Variants in MAPKAP1 observed in about 807,000 individuals in gnomAD.
MAPKAP1 encodes MAPK associated protein 1.
MAPKAP1 carries 20 observed loss-of-function variants against 65.7 expected under a neutral mutation model. The ratio of observed to expected loss-of-function variants is 0.30; its 90% CI spans 0.21 to 0.44. MAPKAP1 has a LOEUF of 0.44. Among genes scored for constraint, MAPKAP1 ranks in the 20% least tolerant of loss-of-function variants. The pLI, the probability that MAPKAP1 is intolerant of heterozygous loss-of-function variation, is 1.00. For missense variants in MAPKAP1, 423 were observed against 648.0 expected (o/e 0.65, Z 3.77); for synonymous variants, 222 against 244.3 (o/e 0.91, Z 0.85).
chr9:125,693,708 C>CGTGTATATAT (rs1835276129), intron 1 of MAPKAP1, among the ~76,000 whole-genome samples: 2 of 125,736 alleles, frequency 1.6e-5, no homozygotes, highest in African/African-American at 5.6e-5. Flanking sequence ...CGTATATATA[C>CGTGTATATAT]ACATATATAC....
At chr9:125,562,781 A>AT (rs924718514) in intron 5 of MAPKAP1, among the ~76,000 whole-genome samples, 2 of 152,172 alleles carry the variant, frequency 1.3e-5, no homozygotes, top group African/African-American at 2.4e-5. Flanking sequence ...TTATATTTCT[A>AT]TTTTACAAAT....
chr9:125,612,717 G>C (rs1048780073), intron 4 of MAPKAP1, among the ~76,000 whole-genome samples: 3 of 152,162 alleles, frequency 2.0e-5, no homozygotes, highest in Non-Finnish European at 2.9e-5. Flanking sequence ...ACTTCCACTG[G>C]GAGACACAGC....
chr9:125,480,755 A>C lies in MAPKAP1; in HGVS notation c.1207+3688T>G, dbSNP rs527770354. Among the ~76,000 whole-genome samples, 15 of 151,990 alleles carry C rather than the reference A, an allele frequency of 9.9e-5. No homozygotes were observed. In the South Asian group the frequency reaches 2.5e-3, roughly 25 times the overall value. ...TGGGAGGCCAAGGCGGGTGGATCAC[A>C]AGGTCAGGAGATCGAGACCATCCTG... On this transcript the variant is annotated intron_variant, in intron 9 of 11. Transcript: ENST00000265960.
rs867765304 is a variant in MAPKAP1 at position 125,438,767 on chromosome 9, G to A, written c.*120C>T. 124 of 1,374,062 alleles carry A rather than the reference G, an allele frequency of 9.0e-5. 1 individual carries two copies. The Middle Eastern group carries it at 1.7e-3, about 19-fold the overall frequency. The allele number at this position is 1,374,062 out of a possible 1,614,324, so 85.1% of individuals were successfully genotyped here. Reference sequence around the variant, plus strand: ...TTCCCCGAGAGCCCACCTGCCCTGTGCCAGTGAGCCAGGGGCTGGCCTCCC... The same window carrying A: ...TTCCCCGAGAGCCCACCTGCCCTGTACCAGTGAGCCAGGGGCTGGCCTCCC... On this transcript the variant is annotated 3_prime_UTR_variant, in exon 12 of 12. Coordinates refer to ENST00000265960, the MANE Select transcript of MAPKAP1 (RefSeq NM_001006617.3).
chr9:125,537,214 G>T (rs1355474965), intron 7 of MAPKAP1, among the ~76,000 whole-genome samples: 3 of 152,208 alleles, frequency 2.0e-5, no homozygotes, highest in African/African-American at 7.2e-5. Flanking sequence ...TAGAGCTGAG[G>T]AAAGTGAGGC....
Position 125,438,742 on chromosome 9 carries a change from T to G in MAPKAP1, c.*145A>C. 1 of 1,141,784 alleles carries G rather than the reference T, an allele frequency of 8.8e-7. No homozygotes were observed. The highest frequency in any genetic ancestry group is 1.2e-6 in the Non-Finnish European group (1 of 804,588). 70.7% of individuals were successfully genotyped at this position (1,141,784 alleles called of 1,614,324 possible). A position where few individuals can be genotyped will look rare whatever the true frequency, so the allele number is the denominator to read the frequency against. ...TCCCTCCTAGGGGGCCCCCGACACCTTCCCCGAGAGCCCACCTGCCCTGTG... is the reference window on the plus strand; with the variant it reads ...TCCCTCCTAGGGGGCCCCCGACACCGTCCCCGAGAGCCCACCTGCCCTGTG... On this transcript the variant is annotated 3_prime_UTR_variant, in exon 12 of 12. Coordinates refer to ENST00000265960, the MANE Select transcript of MAPKAP1 (RefSeq NM_001006617.3).
In MAPKAP1 at chr9:125,625,280, A is replaced by AC. The variant is rs1833084062; in HGVS notation, c.498+32370dup. On this transcript the variant is annotated intron_variant, in intron 4 of 11. Transcript: ENST00000265960. ...TAAAAAAAAAAAAAAAAAAAAAAAA[A>AC]CAAGGGAGAGAATTTACATTCCAAA... Among the ~76,000 whole-genome samples, 323 of 123,202 alleles carry AC rather than the reference A, an allele frequency of 2.6e-3. 2 individuals carry two copies. Among genetic ancestry groups the AC allele is most frequent in the African/African-American group, 9.3e-3 (307 of 33,122 alleles). 80.8% of individuals were successfully genotyped at this position (123,202 alleles called of 152,430 possible).
intron 9 of MAPKAP1, among the ~76,000 whole-genome samples, chr9:125,474,014 T>C (rs547933058): frequency 2.6e-5 from 4 of 152,296 alleles, no homozygotes; most frequent in Non-Finnish European, 4.4e-5. Flanking sequence ...GATACATAGC[T>C]AGCGATGAAT....
chr9:125,587,911 A>C (rs577144371), intron 4 of MAPKAP1, among the ~76,000 whole-genome samples: 8 of 152,318 alleles, frequency 5.3e-5, no homozygotes, highest in African/African-American at 9.6e-5. Flanking sequence ...AAAAAACCCC[A>C]AAAATAGCAA....
intron 4 of MAPKAP1, among the ~76,000 whole-genome samples, chr9:125,612,405 G>GT (rs370666326): frequency 0.026 from 3,997 of 151,662 alleles, 59 homozygotes; most frequent in South Asian, 0.043. Flanking sequence ...AATTCTTTTA[G>GT]TTTTTTTTTA....
intron 1 of MAPKAP1, among the ~76,000 whole-genome samples, chr9:125,692,583 C>G (rs1313736947): frequency 6.6e-6 from 1 of 152,160 alleles, no homozygotes; most frequent in Non-Finnish European, 1.5e-5. Flanking sequence ...GACAGTTATA[C>G]AACTTTGTGA....
chr9:125,680,515 G>A (rs1448886064), intron 1 of MAPKAP1, among the ~76,000 whole-genome samples: 2 of 152,168 alleles, frequency 1.3e-5, no homozygotes, highest in East Asian at 1.9e-4. Flanking sequence ...CCCCCTCAGG[G>A]AATTAAAATC....
chr9:125,612,404 A>C (rs916049590), intron 4 of MAPKAP1, among the ~76,000 whole-genome samples: 1 of 151,820 alleles, frequency 6.6e-6, no homozygotes, highest in Admixed American at 6.6e-5. Context: ...AAATTCTTTT[A>C]GTTTTTTTTT....
intron 10 of MAPKAP1, among the ~76,000 whole-genome samples, chr9:125,461,831 CCTGAGG>C (rs1282056355): frequency 1.3e-5 from 2 of 152,134 alleles, no homozygotes; most frequent in Admixed American, 6.5e-5. Flanking sequence ...GTGGACAGAG[CCTGAGG>C]AAGGGCTGTT....
At chr9:125,533,662 G>A (rs1344904096) in intron 7 of MAPKAP1, among the ~76,000 whole-genome samples, 1 of 152,112 alleles carries the variant, frequency 6.6e-6, no homozygotes, top group East Asian at 1.9e-4. Flanking sequence ...CGTTGGCCAG[G>A]CTGGTCTCAA....
Position 125,543,664 on chromosome 9 carries a change from C to CG in MAPKAP1, c.849-497dup, listed in dbSNP as rs570362142. 3.3e-3 allele frequency among the ~76,000 whole-genome samples: 509 copies of CG among 151,954 alleles called. 2 individuals carry two copies. Among genetic ancestry groups the CG allele is most frequent in the Middle Eastern group, 6.8e-3 (2 of 294 alleles). On this transcript the variant is annotated intron_variant, in intron 6 of 11. Transcript: ENST00000265960. ...TAAATATACTTCAAATGGTGGGTGG[C>CG]GGGGGGGCAGTGATAAACGATTCTA...
chr9:125,438,980 A>G lies in MAPKAP1; in HGVS notation c.1476T>C (p.Thr492=). ...TTTGAGCAAAGTAGTCAGCCCGGGC[A>G]GTGCTAGCTCGCGATTCCAGGATGT... is the stretch of plus-strand genomic sequence containing the variant. ...VNYILESRAS[T]ARADYFAQKQ... Residue 492 remains threonine (T), a synonymous_variant, in exon 12 of 12, where the codon ACT becomes ACC. Coordinates refer to ENST00000265960, the MANE Select transcript of MAPKAP1 (RefSeq NM_001006617.3). 2 of 1,614,110 alleles carry G rather than the reference A, an allele frequency of 1.2e-6. No individual in the cohort carries two copies. Among genetic ancestry groups the G allele is most frequent in the Non-Finnish European group, 1.7e-6 (2 of 1,180,014 alleles).
rs544814245 is a variant in MAPKAP1, at chr9:125,617,270, G to A, written c.499-31543C>T. On this transcript the variant is annotated intron_variant, in intron 4 of 11. Transcript: ENST00000265960. ...AGCCTTGGAATCTGAGACCAGCGGA[G>A]GCAACAAAAGGAGATCCTGTTGCTA... Among the ~76,000 whole-genome samples the A allele has an allele frequency of 3.3e-5, 5 of 152,304 alleles. No homozygotes were observed. The South Asian group carries it at 1.0e-3, about 32-fold the overall frequency.
rs1489174877 is a variant in MAPKAP1, at chr9:125,595,719, T to C, written c.499-9992A>G. 30 of 1,549,068 alleles carry C rather than the reference T, an allele frequency of 1.9e-5. No homozygotes were observed. Among genetic ancestry groups the C allele is most frequent in the Admixed American group, 3.5e-5 (2 of 56,636 alleles). ...CCGGAACAGCTAAGGAATCTCTTCATTGGAGGGTTGAGCTTTGAAACAACC... is the reference window on the plus strand; with the variant it reads ...CCGGAACAGCTAAGGAATCTCTTCACTGGAGGGTTGAGCTTTGAAACAACC... On this transcript the variant is annotated intron_variant, in intron 4 of 11. Transcript: ENST00000265960. The surrounding 1 kb of genome is among the most constrained non-coding windows in gnomAD (Gnocchi z 4.0).
Sources: allele counts gnomAD v4.1 joint callset (sites outside exome capture counted in the v4.1 genomes callset), GRCh38; gene constraint gnomAD v4.1.1; non-coding constraint Gnocchi (gnomAD v3.1); transcripts MANE v1.5; gene names NCBI Gene and HGNC (gene_info 2026-07-23, HGNC 2026-07-21).